The following EPHA6 variants were observed in gnomAD, a reference collection of about 807,000 sequenced individuals.
The protein encoded by EPHA6 is ephrin type-A receptor 6.
In EPHA6, 50 loss-of-function variants were observed where a neutral mutation model predicts 112.0. That is an observed-to-expected ratio of 0.45 (90% confidence interval 0.36 to 0.56). The LOEUF (loss-of-function observed/expected upper bound fraction) is 0.56. Ranked by LOEUF, EPHA6 falls within the 20% of genes least tolerant of loss-of-function variation. The probability of loss-of-function intolerance (pLI) is 0.00; values close to 1 mark genes in which losing one functional copy is unlikely to be tolerated. For missense variants in EPHA6, 1,280 were observed against 1,417.4 expected, an observed-to-expected ratio of 0.90 and a Z score of 1.56; for synonymous variants, 529 against 490.7, an observed-to-expected ratio of 1.08 and a Z score of -1.03.
chr3:96,988,041 A>T lies in EPHA6; in HGVS notation c.1114+48A>T, dbSNP rs185296249. ...ATTTATCTTGCATTTAAATGATTTT[A>T]AAAAAGTTTTATTTTTTAAATTAAC... On this transcript the variant is annotated intron_variant, in intron 3 of 17. Transcript: ENST00000389672. 7,816 of 1,435,094 alleles carry T rather than the reference A, an allele frequency of 5.4e-3. 25 individuals are homozygous for T. Among genetic ancestry groups the T allele is most frequent in the Non-Finnish European group, 5.9e-3 (6,306 of 1,077,136 alleles). The allele number at this position is 1,435,094 out of a possible 1,614,324, so 88.9% of individuals were successfully genotyped here. A position where few individuals can be genotyped will look rare whatever the true frequency, so the allele number is the denominator to read the frequency against.
intron 3 of EPHA6, among the ~76,000 whole-genome samples, chr3:97,174,956 C>G (rs1390262474): frequency 6.6e-6 from 1 of 151,800 alleles, no homozygotes; most frequent in Non-Finnish European, 1.5e-5. Context: ...GGGTATTGCT[C>G]AAGATATTTT....
chr3:97,188,189 T>C (rs535071222), intron 3 of EPHA6, among the ~76,000 whole-genome samples: 1 of 152,252 alleles, frequency 6.6e-6, no homozygotes, highest in East Asian at 1.9e-4. Context: ...TTATTTTTAA[T>C]TGCAAATAGT....
At chr3:96,953,581 T>C (rs1026688327) in intron 2 of EPHA6, among the ~76,000 whole-genome samples, 4 of 152,148 alleles carry the variant, frequency 2.6e-5, no homozygotes, top group African/African-American at 4.8e-5. Context: ...CAAAAGCCAA[T>C]TCTACACTCT....
intron 5 of EPHA6, among the ~76,000 whole-genome samples, chr3:97,346,944 G>A (rs1045778314): frequency 4.6e-5 from 7 of 152,058 alleles, no homozygotes; most frequent in African/African-American, 1.4e-4. Context: ...CTCCATAAAT[G>A]AATGAAGGAG....
chr3:97,131,746 A>C (rs886315162), intron 3 of EPHA6, among the ~76,000 whole-genome samples: 3 of 152,138 alleles, frequency 2.0e-5, no homozygotes, highest in Non-Finnish European at 4.4e-5. Context: ...AGAGTAATAA[A>C]CATTTTCATC....
At chr3:97,318,415 C>A (rs1474305254) in intron 5 of EPHA6, among the ~76,000 whole-genome samples, 1 of 151,994 alleles carries the variant, frequency 6.6e-6, no homozygotes, top group African/African-American at 2.4e-5. Flanking sequence ...GCCCACCTAT[C>A]GAACTCTGTG....
Position 97,751,836 on chromosome 3 carries a change from G to C in EPHA6, c.*3135G>C, listed in dbSNP as rs2035908508. On this transcript the variant is annotated 3_prime_UTR_variant, in exon 18 of 18. Coordinates refer to ENST00000389672, the MANE Select transcript of EPHA6 (RefSeq NM_001080448.3). ...AAATGTCTTGATCTATGCTACTGAG[G>C]GGGTGTTTTGGATTTTAAAACCAGA... 6.6e-6 allele frequency among the ~76,000 whole-genome samples: 1 copy of C among 151,992 alleles called. No homozygotes were observed. Among genetic ancestry groups the C allele is most frequent in the Non-Finnish European group, 1.5e-5 (1 of 67,958 alleles).
chr3:97,101,835 G>T (rs978692095), intron 3 of EPHA6, among the ~76,000 whole-genome samples: 3 of 151,982 alleles, frequency 2.0e-5, no homozygotes, highest in African/African-American at 7.2e-5. Flanking sequence ...TTGTTGGATT[G>T]TAGTTCTTTT....
intron 2 of EPHA6, among the ~76,000 whole-genome samples, chr3:96,890,076 C>A (rs1432955519): frequency 6.6e-6 from 1 of 151,244 alleles, no homozygotes; most frequent in African/African-American, 2.4e-5. Context: ...AAAAATATTT[C>A]ATGAGTTTTG....
At chr3:97,214,645 A>G (rs1282484069) in intron 3 of EPHA6, among the ~76,000 whole-genome samples, 2 of 152,084 alleles carry the variant, frequency 1.3e-5, no homozygotes, top group African/African-American at 2.4e-5. Flanking sequence ...AGTTTCTCAA[A>G]TTATAAGCGT....
chr3:96,893,297 A>G (rs1382999403), intron 2 of EPHA6, among the ~76,000 whole-genome samples: 2 of 152,168 alleles, frequency 1.3e-5, no homozygotes, highest in African/African-American at 4.8e-5. Flanking sequence ...TTCTACTTAT[A>G]AAAAAGTTTA....
intron 5 of EPHA6, among the ~76,000 whole-genome samples, chr3:97,329,751 C>G (rs1209163937): frequency 1.3e-5 from 2 of 151,978 alleles, no homozygotes; most frequent in Non-Finnish European, 2.9e-5. Context: ...CAAAAATTTT[C>G]TCCCATTCTG....
intron 5 of EPHA6, among the ~76,000 whole-genome samples, chr3:97,251,000 G>T (rs994543320): frequency 1.3e-5 from 2 of 151,616 alleles, no homozygotes; most frequent in African/African-American, 4.8e-5. Flanking sequence ...CAAGTAGCTG[G>T]GATTACAGGT....
chr3:96,907,720 C>T lies in EPHA6; in HGVS notation c.450+40831C>T, dbSNP rs75240540. Reference sequence around the variant, plus strand: ...ACTTAAGCTATTTAGTAGCATCTCCCCAAAATCATATATATATTTTGTGTA... The same window carrying T: ...ACTTAAGCTATTTAGTAGCATCTCCTCAAAATCATATATATATTTTGTGTA... On this transcript the variant is annotated intron_variant, in intron 2 of 17. Coordinates refer to ENST00000389672, the MANE Select transcript of EPHA6 (RefSeq NM_001080448.3). Among the ~76,000 whole-genome samples, 336 of 151,520 alleles carry T rather than the reference C, an allele frequency of 2.2e-3. 7 individuals are homozygous for T. In the East Asian group the frequency reaches 0.038, roughly 17 times the overall value.
At chr3:97,558,744 A>AT (rs1352856951) in intron 11 of EPHA6, among the ~76,000 whole-genome samples, 1 of 152,082 alleles carries the variant, frequency 6.6e-6, no homozygotes, top group East Asian at 1.9e-4. Context: ...GACAATCTGC[A>AT]TGTAATATTT....
chr3:96,845,734 G>T (rs1377368882), intron 1 of EPHA6, among the ~76,000 whole-genome samples: 1 of 152,004 alleles, frequency 6.6e-6, no homozygotes, highest in Non-Finnish European at 1.5e-5. Flanking sequence ...GAAGGAATTT[G>T]TTGATATGAA....
chr3:96,882,379 T>C (rs927179314), intron 2 of EPHA6, among the ~76,000 whole-genome samples: 2 of 152,160 alleles, frequency 1.3e-5, no homozygotes, highest in African/African-American at 4.8e-5. Flanking sequence ...GTTATTGGGG[T>C]ACAGGTGGTA....
At chr3:97,116,347 CTGTG>C (rs1357047064) in intron 3 of EPHA6, among the ~76,000 whole-genome samples, 1 of 151,552 alleles carries the variant, frequency 6.6e-6, no homozygotes, top group African/African-American at 2.4e-5. Flanking sequence ...ATAGTTATAT[CTGTG>C]TGTATATATG....
At chr3:97,451,053 G>A (rs779514013) in intron 7 of EPHA6, among the ~76,000 whole-genome samples, 7 of 151,848 alleles carry the variant, frequency 4.6e-5, no homozygotes, top group Non-Finnish European at 8.8e-5. Flanking sequence ...AATTTAAAGC[G>A]CAAATAACTT....
Sources: allele counts gnomAD v4.1 joint callset (sites outside exome capture counted in the v4.1 genomes callset), GRCh38; gene constraint gnomAD v4.1.1; transcripts MANE v1.5; gene names NCBI Gene and HGNC (gene_info 2026-07-23, HGNC 2026-07-21).